The following DLGAP2 variants were observed in gnomAD, a reference collection of about 807,000 sequenced individuals.
DLGAP2 encodes DLG associated protein 2, also known as disks large-associated protein 2.
DLGAP2 carries 26 observed loss-of-function variants against 100.3 expected under a neutral mutation model. That is an observed-to-expected ratio of 0.26 (90% CI 0.19 to 0.36). DLGAP2 has a LOEUF of 0.36. DLGAP2 is among the 10% of genes least tolerant of loss of function. DLGAP2 has a pLI of 1.00. For synonymous variants in DLGAP2, 886 were observed against 630.1 expected, an observed-to-expected ratio of 1.41 and a Z score of -6.08; for missense variants, 1,858 against 1,453.2, an observed-to-expected ratio of 1.28 and a Z score of -4.53.
Position 1,190,501 on chromosome 8 carries a change from TCATGCA to T in DLGAP2, c.74-68349_74-68344del, listed in dbSNP as rs1242169502. On this transcript the variant is annotated intron_variant, in intron 2 of 14. Coordinates refer to ENST00000637795, the MANE Select transcript of DLGAP2 (RefSeq NM_001346810.2). ...CCGGGCAATCTTTCCCGGCAGCATCTCATGCAGGAGGCACCCGTCCCGTTCGACGCC... is the reference window on the plus strand; with the variant it reads ...CCGGGCAATCTTTCCCGGCAGCATCTGGAGGCACCCGTCCCGTTCGACGCC... Among the ~76,000 whole-genome samples, 3 of 152,230 alleles carry T rather than the reference TCATGCA, an allele frequency of 2.0e-5. No homozygotes were observed. In the East Asian group the frequency reaches 5.8e-4, roughly 30 times the overall value.
rs1291130079 is a variant in DLGAP2, at chr8:1,042,753, G to A, written c.73+134787G>A. Among the ~76,000 whole-genome samples the A allele has an allele frequency of 1.5e-5, 2 of 130,600 alleles. 1 individual carries two copies. The highest frequency in any genetic ancestry group is 1.8e-4 in the Admixed American group (2 of 11,396). 85.7% of individuals were successfully genotyped at this position (130,600 alleles called of 152,430 possible). A position where few individuals can be genotyped will look rare whatever the true frequency, so the allele number is the denominator to read the frequency against. On this transcript the variant is annotated intron_variant, in intron 2 of 14. Coordinates refer to ENST00000637795, the MANE Select transcript of DLGAP2 (RefSeq NM_001346810.2). ...TGAGTGGTGGATGTGGGTCGTGGAT[G>A]TAGGTGGTGGATGTGGGTGATGGAT...
intron 2 of DLGAP2, among the ~76,000 whole-genome samples, chr8:1,158,565 T>G (rs913262474): frequency 6.6e-6 from 1 of 152,256 alleles, no homozygotes; most frequent in Non-Finnish European, 1.5e-5. Context: ...TATAAACTGC[T>G]CTCTTTTCAT....
chr8:1,347,080 T>C (rs1005010578), intron 3 of DLGAP2, among the ~76,000 whole-genome samples: 37 of 150,892 alleles, frequency 2.5e-4, no homozygotes, highest in African/African-American at 8.3e-4. Context: ...CAGAGCTGAA[T>C]TGCACTCATT....
chr8:903,226 C>A (rs1424082430), intron 1 of DLGAP2, among the ~76,000 whole-genome samples: 1 of 151,894 alleles, frequency 6.6e-6, no homozygotes, highest in Non-Finnish European at 1.5e-5. Context: ...CCAAAGATTA[C>A]AAACAAGGAT....
chr8:825,216 G>A (rs936517894), intron 1 of DLGAP2, among the ~76,000 whole-genome samples: 1 of 152,200 alleles, frequency 6.6e-6, no homozygotes, highest in African/African-American at 2.4e-5. Flanking sequence ...ACATGCCCTG[G>A]ACGCCTGAGA....
intron 1 of DLGAP2, among the ~76,000 whole-genome samples, chr8:790,833 A>G (rs1424289364): frequency 1.3e-5 from 2 of 151,974 alleles, no homozygotes; most frequent in African/African-American, 4.8e-5. Flanking sequence ...GCAACCTCGA[A>G]CTCCTGGGCT....
intron 2 of DLGAP2, among the ~76,000 whole-genome samples, chr8:1,047,785 C>G (rs1802556728): frequency 6.6e-6 from 1 of 152,080 alleles, no homozygotes; most frequent in African/African-American, 2.4e-5. Context: ...TTCCAAAGGC[C>G]CCACCTCCTA....
At chr8:972,596 A>AT (rs1024913676) in intron 2 of DLGAP2, among the ~76,000 whole-genome samples, 13 of 149,028 alleles carry the variant, frequency 8.7e-5, no homozygotes, top group South Asian at 2.1e-4. Flanking sequence ...GGTAGAAAAT[A>AT]TTTTTTTTTG....
At chr8:776,343 T>A (rs1178030065) in intron 1 of DLGAP2, among the ~76,000 whole-genome samples, 1 of 152,158 alleles carries the variant, frequency 6.6e-6, no homozygotes, top group Non-Finnish European at 1.5e-5. Context: ...TTTGTGTCTC[T>A]ATTTCCTTCA....
At chr8:1,625,813 C>T (rs1013217538) in intron 6 of DLGAP2, among the ~76,000 whole-genome samples, 1 of 152,244 alleles carries the variant, frequency 6.6e-6, no homozygotes. Context: ...TAAATAGCCT[C>T]CCCTATTACT....
At chr8:1,236,391 T>C (rs1441587812) in intron 2 of DLGAP2, among the ~76,000 whole-genome samples, 8 of 38,606 alleles carry the variant, frequency 2.1e-4, no homozygotes, top group Admixed American at 2.7e-4. Context: ...TATCACATGG[T>C]GCCGTGTCTA....
chr8:1,196,567 G>A (rs759780958), intron 2 of DLGAP2, among the ~76,000 whole-genome samples: 5 of 152,154 alleles, frequency 3.3e-5, no homozygotes, highest in East Asian at 1.9e-4. Flanking sequence ...AAAGAATAAT[G>A]ACAAAAAAGT....
intron 1 of DLGAP2, among the ~76,000 whole-genome samples, chr8:799,276 G>T (rs1432163545): frequency 6.6e-6 from 1 of 152,156 alleles, no homozygotes; most frequent in Non-Finnish European, 1.5e-5. Context: ...GTCATGCCCA[G>T]GCACTTACAG....
intron 3 of DLGAP2, among the ~76,000 whole-genome samples, chr8:1,449,826 GGTGGCT>G (rs1405309562): frequency 4.8e-5 from 7 of 146,050 alleles, no homozygotes; most frequent in Admixed American, 6.9e-5. Context: ...GGGCGGCCTC[GGTGGCT>G]GTGACTGTAG....
At chr8:1,368,968 A>G (rs934500605) in intron 3 of DLGAP2, 5 of 152,206 alleles carry the variant, frequency 3.3e-5, no homozygotes, top group Admixed American at 1.3e-4. Flanking sequence ...TCCTCCGCAC[A>G]TACTAGGTGT....
In DLGAP2 at chr8:1,057,569, T is replaced by C. The variant is rs73670418; in HGVS notation, c.73+149603T>C. ...CTGTGCTATCTCTTGATTTCTTATG[T>C]CTATCTATGGAAGAAGATTAGAAAC... On this transcript the variant is annotated intron_variant, in intron 2 of 14. Coordinates refer to ENST00000637795, the MANE Select transcript of DLGAP2 (RefSeq NM_001346810.2). Among the ~76,000 whole-genome samples, 1,480 of 152,340 alleles carry C rather than the reference T, an allele frequency of 9.7e-3. 19 individuals carry two copies. The highest frequency in any genetic ancestry group is 0.031 in the African/African-American group (1,268 of 41,568).
chr8:1,324,758 A>G (rs920066227), intron 3 of DLGAP2, among the ~76,000 whole-genome samples: 7 of 152,224 alleles, frequency 4.6e-5, no homozygotes, highest in Admixed American at 3.3e-4. Flanking sequence ...CACGACTTCC[A>G]TGTTCCTGTC....
At chr8:1,252,076 T>TACAC (rs1264622906) in intron 2 of DLGAP2, among the ~76,000 whole-genome samples, 17 of 141,546 alleles carry the variant, frequency 1.2e-4, no homozygotes, top group African/African-American at 5.0e-4. Flanking sequence ...TGTTGTCGTG[T>TACAC]GGGTGTGTTG....
chr8:1,048,153 A>G (rs1408298282), intron 2 of DLGAP2, among the ~76,000 whole-genome samples: 1 of 152,150 alleles, frequency 6.6e-6, no homozygotes, highest in Non-Finnish European at 1.5e-5. Context: ...TCTACAGAAT[A>G]CAAACGAACT....
Sources: gnomAD v4.1 joint callset for allele counts (sites outside exome capture counted in the v4.1 genomes callset) on GRCh38, gnomAD v4.1.1 for gene constraint, MANE v1.5 for transcripts, NCBI Gene and HGNC (gene_info 2026-07-23, HGNC 2026-07-21) for gene names.